MAP7D2: variants seen among roughly 807,000 people sequenced by gnomAD.
The protein encoded by MAP7D2 is MAP7 domain-containing protein 2.
MAP7D2 carries 33 observed loss-of-function variants against 63.5 expected under a neutral mutation model. The observed-to-expected ratio is 0.52, with a 90% CI of 0.39 to 0.70. The LOEUF (loss-of-function observed/expected upper bound fraction) is 0.70, where lower values mean the gene tolerates loss of function less well. MAP7D2 is among the 30% of genes least tolerant of loss of function. The probability of loss-of-function intolerance (pLI) is 0.00; values close to 1 mark genes in which losing one functional copy is unlikely to be tolerated. For synonymous variants in MAP7D2, 224 were observed against 223.7 expected (o/e 1.00, Z -0.01); for missense variants, 626 against 604.0 (o/e 1.04, Z -0.38).
At chrX:20,061,333 G>A (rs2065220561) in intron 3 of MAP7D2, among the ~76,000 whole-genome samples, 2 of 110,968 alleles carry the variant, frequency 1.8e-5, no homozygotes, top group Non-Finnish European at 3.8e-5. Flanking sequence ...AAAGGCCTCT[G>A]TGCCAGCAGA....
At chrX:20,044,645 T>C in intron 6 of MAP7D2, 121 bp from the exon 7 acceptor site, 1 of 621,310 alleles carries the variant, frequency 1.6e-6, no homozygotes, top group Non-Finnish European at 2.5e-6. Context: ...ATCATACTTT[T>C]CTATTGTACA....
At chrX:20,104,742 C>T (rs1389228357) in intron 1 of MAP7D2, among the ~76,000 whole-genome samples, 1 of 111,807 alleles carries the variant, frequency 8.9e-6, no homozygotes, top group African/African-American at 3.3e-5. Flanking sequence ...GAAAAATTAC[C>T]CAGGTACAAG....
intron 10 of MAP7D2, among the ~76,000 whole-genome samples, chrX:20,023,329 C>T (rs201151872): frequency 1.8e-5 from 2 of 112,386 alleles, no homozygotes; most frequent in African/African-American, 3.2e-5. Context: ...GCAGAACAGG[C>T]GGGAGCAGTG....
intron 1 of MAP7D2, among the ~76,000 whole-genome samples, chrX:20,072,405 C>CCAA (rs2065527739): frequency 9.0e-6 from 1 of 111,665 alleles, no homozygotes; most frequent in African/African-American, 3.3e-5. Context: ...CCCTCTCTCG[C>CCAA]CAACCCTCCC....
At chrX:20,084,715 C>T (rs1011601734) in intron 1 of MAP7D2, among the ~76,000 whole-genome samples, 2 of 109,735 alleles carry the variant, frequency 1.8e-5, no homozygotes. Flanking sequence ...ATTACAGGTG[C>T]GCACCACCAC....
chrX:20,078,280 C>T (rs1484657884), intron 1 of MAP7D2, among the ~76,000 whole-genome samples: 2 of 112,586 alleles, frequency 1.8e-5, no homozygotes, highest in Admixed American at 1.9e-4. Context: ...TTATTTAATG[C>T]TCACAATACT....
intron 10 of MAP7D2, among the ~76,000 whole-genome samples, chrX:20,022,364 G>A (rs1048941063): frequency 1.8e-5 from 2 of 111,354 alleles, no homozygotes; most frequent in Non-Finnish European, 3.8e-5. Flanking sequence ...TGGATCCAGT[G>A]GGCAGGGGAG....
At position 20,088,986 on chromosome X, in the gene MAP7D2, T is replaced by C. The variant is rs188879404; in HGVS notation, c.131-24181A>G. ...TCAGTAGAGACAGGGTTTCACCATG[T>C]TGGCCAGGCTGGTCTCGAACTCCTG... On this transcript the variant is annotated intron_variant, in intron 1 of 16. Coordinates refer to ENST00000379643, the MANE Select transcript of MAP7D2 (RefSeq NM_001168465.2). Among the ~76,000 whole-genome samples the C allele has an allele frequency of 1.6e-4, 18 of 111,408 alleles. No individual in the cohort carries two copies. In the East Asian group the frequency reaches 4.5e-3, roughly 28 times the overall value.
chrX:20,056,279 T>C (rs575027058), intron 4 of MAP7D2, among the ~76,000 whole-genome samples: 1 of 111,940 alleles, frequency 8.9e-6, no homozygotes, highest in South Asian at 3.7e-4. Flanking sequence ...TCCAGCCCTT[T>C]TTGGAGGATA....
intron 14 of MAP7D2, 87 bp downstream of exon 14, chrX:20,012,967 G>A: frequency 1.3e-6 from 1 of 760,376 alleles, no homozygotes; most frequent in Non-Finnish European, 2.0e-6. Context: ...CACCCTCTTG[G>A]GATCCATGGG....
chrX:20,044,456 G>T lies in MAP7D2; in HGVS notation c.787C>A (p.Arg263=), dbSNP rs1362231247. Residue 263 remains arginine (R), a synonymous_variant, in exon 7 of 17, where the codon CGA becomes AGA. Coordinates refer to ENST00000379643, the MANE Select transcript of MAP7D2 (RefSeq NM_001168465.2). ...GTAGCTTTCTTCTTCTCAATGTTTC[G>T]AGTGGGTGAAGACTTGTAAGAAGGG... ...LNPSYKSSPT[R]NIEKKKATST... The T allele has an allele frequency of 2.5e-6, 3 of 1,210,122 alleles. No homozygotes were observed. Among genetic ancestry groups the T allele is most frequent in the Admixed American group, 2.2e-5 (1 of 46,033 alleles).
intron 4 of MAP7D2, among the ~76,000 whole-genome samples, chrX:20,053,509 T>C (rs2065000356): frequency 1.8e-5 from 2 of 111,896 alleles, no homozygotes; most frequent in African/African-American, 6.5e-5. Context: ...TCTTTAGCAG[T>C]TGGTTTTCCT....
intron 16 of MAP7D2, among the ~76,000 whole-genome samples, chrX:20,010,188 C>T (rs1369435568): frequency 9.0e-6 from 1 of 111,714 alleles, no homozygotes; most frequent in Non-Finnish European, 1.9e-5. Context: ...CATTCTTGCT[C>T]AAATGAGAAT....
rs994585726 is a variant in MAP7D2 at position 20,044,424 on chromosome X, C to T, written c.819G>A (p.Thr273=). 1.5e-5 allele frequency: 18 copies of T among 1,210,975 alleles called. No individual in the cohort carries two copies. The highest frequency in any genetic ancestry group is 4.4e-5 in the Admixed American group (2 of 45,964). Residue 273 remains threonine, a synonymous_variant, in exon 7 of 17, where the codon ACG becomes ACA. Transcript: ENST00000379643. ...CAACATCTCCTGCACCAGATGTAGA[C>T]GTAGATGTAGCTTTCTTCTTCTCAA... ...RNIEKKKATS[T]STSGAGDVGK...
chrX:20,105,366 G>A (rs1490662150), intron 1 of MAP7D2, among the ~76,000 whole-genome samples: 1 of 111,226 alleles, frequency 9.0e-6, no homozygotes, highest in Non-Finnish European at 1.9e-5. Context: ...AGTGACCAAC[G>A]GTGAAGACAG....
intron 8 of MAP7D2, among the ~76,000 whole-genome samples, chrX:20,032,527 G>A (rs1362658667): frequency 1.8e-5 from 2 of 111,607 alleles, no homozygotes; most frequent in Non-Finnish European, 3.8e-5. Flanking sequence ...TAAAGTGGGA[G>A]GTACTTGTTT....
In MAP7D2 at chrX:20,007,214, T is replaced by C. The variant is rs1410809567; in HGVS notation, c.*1211A>G. 1 of 112,584 alleles carries C rather than the reference T, an allele frequency of 8.9e-6. No homozygotes were observed. The highest frequency in any genetic ancestry group is 2.8e-4 in the East Asian group (1 of 3,611). The allele number at this position is 112,584 out of a possible 1,213,427, so 9.3% of individuals were successfully genotyped here. ...GGCTGTAAAAGCACATGAACAAGAT[T>C]ACTACTGAGACTTCTTTGTATCTCC... On this transcript the variant is annotated 3_prime_UTR_variant, in exon 17 of 17. Coordinates refer to ENST00000379643, the MANE Select transcript of MAP7D2 (RefSeq NM_001168465.2).
At chrX:20,094,214 G>C (rs2066144981) in intron 1 of MAP7D2, among the ~76,000 whole-genome samples, 1 of 108,354 alleles carries the variant, frequency 9.2e-6, no homozygotes, top group African/African-American at 3.3e-5. Flanking sequence ...GTAGTTCCCT[G>C]CTAGGGAAGG....
rs770891333 is a variant in MAP7D2, at chrX:20,027,139, T to C, written c.1008-1187A>G. 1.2e-3 allele frequency among the ~76,000 whole-genome samples: 132 copies of C among 112,017 alleles called. 1 individual carries two copies. The highest frequency in any genetic ancestry group is 4.2e-3 in the African/African-American group (129 of 30,836). On this transcript the variant is annotated intron_variant, in intron 8 of 16. Transcript: ENST00000379643. The stretch of plus-strand genomic sequence containing the variant: ...CTCAAGTGGCATGTGGACTTTCATA[T>C]TGGCCAAGTGGCTTCCCTGTGTCCT...
Sources: gnomAD v4.1 joint callset for allele counts (sites outside exome capture counted in the v4.1 genomes callset) on GRCh38, gnomAD v4.1.1 for gene constraint, MANE v1.5 for transcripts, NCBI Gene and HGNC (gene_info 2026-07-23, HGNC 2026-07-21) for gene names.